Variants in WWOX observed in about 807,000 individuals in gnomAD.
WWOX encodes the protein WW domain containing oxidoreductase, also known as WW domain-containing oxidoreductase.
WWOX carries 69 observed loss-of-function variants against 46.2 expected under a neutral mutation model. The ratio of observed to expected loss-of-function variants is 1.49; its 90% CI spans 1.23 to 1.82. The LOEUF is 1.82. Ranked by LOEUF, WWOX falls within the 40% of genes most tolerant of loss-of-function variation. The pLI is 0.00. For missense variants in WWOX, 919 were observed against 542.6 expected (o/e 1.69, Z -6.89); for synonymous variants, 359 against 202.6 (o/e 1.77, Z -6.56).
chr16:78,867,651 C>A (rs756954682), intron 8 of WWOX, among the ~76,000 whole-genome samples: 1 of 151,954 alleles, frequency 6.6e-6, no homozygotes, highest in African/African-American at 2.4e-5. Flanking sequence ...AGAGAGTCTC[C>A]CACCTCAGCC....
chr16:78,871,666 T>G (rs6420413), intron 8 of WWOX, among the ~76,000 whole-genome samples: 1 of 152,100 alleles, frequency 6.6e-6, no homozygotes, highest in Non-Finnish European at 1.5e-5. Context: ...GTAGTGCAAT[T>G]TCAGCTCACT....
chr16:78,488,325 T>C (rs2052672922), intron 8 of WWOX, among the ~76,000 whole-genome samples: 1 of 152,160 alleles, frequency 6.6e-6, no homozygotes, highest in Non-Finnish European at 1.5e-5. Flanking sequence ...ATAGGCTCAG[T>C]GTAGCTTATG....
At chr16:78,531,061 C>T (rs1206932051) in intron 8 of WWOX, among the ~76,000 whole-genome samples, 3 of 152,118 alleles carry the variant, frequency 2.0e-5, no homozygotes, top group Admixed American at 2.0e-4. Context: ...TTTATTAATG[C>T]TGATTACTTT....
At chr16:78,865,144 A>C (rs186302892) in intron 8 of WWOX, among the ~76,000 whole-genome samples, 3 of 152,286 alleles carry the variant, frequency 2.0e-5, no homozygotes, top group Non-Finnish European at 2.9e-5. Flanking sequence ...TATGTAAAAT[A>C]AATTCCGTAC....
At chr16:78,501,114 T>A (rs1200272706) in intron 8 of WWOX, among the ~76,000 whole-genome samples, 4 of 151,916 alleles carry the variant, frequency 2.6e-5, no homozygotes, top group African/African-American at 7.3e-5. Context: ...AGGTCTCAGT[T>A]AATGCCCACA....
intron 8 of WWOX, among the ~76,000 whole-genome samples, chr16:78,909,379 G>A (rs1383630944): frequency 6.6e-6 from 1 of 152,162 alleles, no homozygotes; most frequent in Non-Finnish European, 1.5e-5. Context: ...CTGTTCAGCT[G>A]TTAAGATTGT....
intron 8 of WWOX, among the ~76,000 whole-genome samples, chr16:78,854,889 T>C (rs2052531660): frequency 6.7e-6 from 1 of 148,424 alleles, no homozygotes; most frequent in Admixed American, 6.8e-5. Context: ...CTCTATTTGC[T>C]GATTTTTGAA....
chr16:78,331,425 C>T (rs187660848), intron 5 of WWOX, among the ~76,000 whole-genome samples: 1 of 152,178 alleles, frequency 6.6e-6, no homozygotes, highest in Non-Finnish European at 1.5e-5. Flanking sequence ...ATACAGATTA[C>T]TTCATGACAG....
In WWOX at chr16:78,870,188, T is replaced by G. The variant is rs536061415; in HGVS notation, c.1057-341420T>G. Among the ~76,000 whole-genome samples, 4 of 152,212 alleles carry G rather than the reference T, an allele frequency of 2.6e-5. No individual in the cohort carries two copies. In the South Asian group the frequency reaches 6.2e-4, roughly 24 times the overall value. ...CGTCTCCTAACCCTAAGATCCTGGA[T>G]GGCAGGTAATCTGCTTCCTCAAGAT... On this transcript the variant is annotated intron_variant, in intron 8 of 8. Coordinates refer to ENST00000566780, the MANE Select transcript of WWOX (RefSeq NM_016373.4).
At chr16:78,633,744 C>G (rs997963113) in intron 8 of WWOX, among the ~76,000 whole-genome samples, 1 of 152,186 alleles carries the variant, frequency 6.6e-6, no homozygotes, top group African/African-American at 2.4e-5. Context: ...TCTTCTCCGA[C>G]TTATGTATGA....
chr16:78,160,025 CT>C (rs991796071), intron 4 of WWOX, among the ~76,000 whole-genome samples: 5 of 151,816 alleles, frequency 3.3e-5, no homozygotes, highest in Non-Finnish European at 7.4e-5. Context: ...CTTTTAGCTT[CT>C]TTTTTTCTCT....
At chr16:78,847,695 C>G (rs1367882706) in intron 8 of WWOX, among the ~76,000 whole-genome samples, 2 of 151,214 alleles carry the variant, frequency 1.3e-5, no homozygotes, top group Admixed American at 6.6e-5. Flanking sequence ...GTTTCTTCTT[C>G]TATAAGATGG....
At chr16:78,871,271 T>G (rs933553175) in intron 8 of WWOX, among the ~76,000 whole-genome samples, 1 of 152,152 alleles carries the variant, frequency 6.6e-6, no homozygotes, top group Admixed American at 6.5e-5. Flanking sequence ...GGCTTCGTCC[T>G]TATTCTTATA....
intron 8 of WWOX, among the ~76,000 whole-genome samples, chr16:79,008,655 C>T (rs189687823): frequency 9.3e-4 from 141 of 152,296 alleles, no homozygotes; most frequent in Non-Finnish European, 1.4e-3. Flanking sequence ...GGCATGCTCC[C>T]GACACCAGGT....
At chr16:79,042,731 T>TTTTTG (rs2047995880) in intron 8 of WWOX, among the ~76,000 whole-genome samples, 1 of 151,300 alleles carries the variant, frequency 6.6e-6, no homozygotes, top group Admixed American at 6.6e-5. Flanking sequence ...ACTCAGGGTT[T>TTTTTG]TTTTTTTTTT....
intron 8 of WWOX, among the ~76,000 whole-genome samples, chr16:79,140,359 T>A (rs1053673169): frequency 2.0e-5 from 3 of 152,202 alleles, no homozygotes; most frequent in South Asian, 4.1e-4. Flanking sequence ...GGAGTTAGAA[T>A]TGAATCGAAC....
At chr16:78,357,991 A>T (rs571580464) in intron 5 of WWOX, among the ~76,000 whole-genome samples, 1 of 152,280 alleles carries the variant, frequency 6.6e-6, no homozygotes, top group African/African-American at 2.4e-5. Context: ...CTGTTGCCGG[A>T]GATGTGGAGC....
At chr16:78,936,351 T>C (rs926552963) in intron 8 of WWOX, among the ~76,000 whole-genome samples, 5 of 152,142 alleles carry the variant, frequency 3.3e-5, no homozygotes, top group African/African-American at 1.2e-4. Flanking sequence ...CTGGAATGAC[T>C]CTGAACCTTT....
At chr16:78,968,121 ACAGCGCGTGGTCCGTGTG>A (rs1597217518) in intron 8 of WWOX, among the ~76,000 whole-genome samples, 4 of 89,228 alleles carry the variant, frequency 4.5e-5, no homozygotes, top group Middle Eastern at 7.1e-3. Flanking sequence ...TCCGCGTGGC[ACAGCGCGTGGTCCGTGTG>A]GCACAGCGCG....
Sources: allele counts gnomAD v4.1 joint callset (sites outside exome capture counted in the v4.1 genomes callset), GRCh38; gene constraint gnomAD v4.1.1; transcripts MANE v1.5; gene names NCBI Gene and HGNC (gene_info 2026-07-23, HGNC 2026-07-21).